The following SNX7 variants were observed in gnomAD, a reference collection of about 807,000 sequenced individuals.
SNX7 encodes sorting nexin 7.
SNX7 carries 35 observed loss-of-function variants against 48.4 expected under a neutral mutation model. The ratio of observed to expected loss-of-function variants is 0.72; its 90% CI spans 0.55 to 0.96. SNX7 has a LOEUF of 0.96. SNX7 is among the 40% of genes least tolerant of loss of function. The pLI, the probability that SNX7 is intolerant of heterozygous loss-of-function variation, is 0.00. For synonymous variants in SNX7, 190 were observed against 190.2 expected (o/e 1.00, Z 0.01); for missense variants, 553 against 548.9 (o/e 1.01, Z -0.07).
intron 7 of SNX7, among the ~76,000 whole-genome samples, chr1:98,720,098 T>G (rs1652787489): frequency 6.6e-6 from 1 of 151,934 alleles, no homozygotes; most frequent in Non-Finnish European, 1.5e-5. Flanking sequence ...GGTCTGTTAA[T>G]GCTCCAAGAC....
chr1:98,719,105 A>T (rs955940238), intron 7 of SNX7, among the ~76,000 whole-genome samples: 2 of 152,132 alleles, frequency 1.3e-5, no homozygotes, highest in Non-Finnish European at 2.9e-5. Context: ...TAGATGAGTG[A>T]TCTTGAGCAA....
rs533652755 is a variant in SNX7, at chr1:98,758,295, A to G, written c.1279-1759A>G. Among the ~76,000 whole-genome samples, 8 of 152,118 alleles carry G rather than the reference A, an allele frequency of 5.3e-5. No homozygotes were observed. In the South Asian group the frequency reaches 1.7e-3, roughly 32 times the overall value. ...TATAGACATTTGGATACACTTAAAG[A>G]TATCTAAATTCTTCTCCTGTACCGT... On this transcript the variant is annotated intron_variant, in intron 8 of 8. Coordinates refer to ENST00000306121, the MANE Select transcript of SNX7 (RefSeq NM_015976.5).
chr1:98,728,081 A>G (rs929084551), intron 7 of SNX7, among the ~76,000 whole-genome samples: 2 of 152,156 alleles, frequency 1.3e-5, no homozygotes, highest in African/African-American at 4.8e-5. Context: ...AAGACACATA[A>G]TCTTCAGATT....
At chr1:98,709,832 T>A (rs1220334364) in intron 7 of SNX7, among the ~76,000 whole-genome samples, 5 of 152,192 alleles carry the variant, frequency 3.3e-5, no homozygotes, top group Admixed American at 3.3e-4. Flanking sequence ...TGGCTTTACC[T>A]TGTTTTTTTC....
At chr1:98,736,074 ACT>A (rs1194288261) in intron 7 of SNX7, among the ~76,000 whole-genome samples, 2 of 151,332 alleles carry the variant, frequency 1.3e-5, no homozygotes, top group African/African-American at 4.9e-5. Context: ...ACATGAAAAA[ACT>A]CTCTGCAGTA....
intron 7 of SNX7, among the ~76,000 whole-genome samples, chr1:98,731,373 A>G (rs1252963871): frequency 6.6e-6 from 1 of 152,090 alleles, no homozygotes. Flanking sequence ...AATGAACTTC[A>G]TAGTTTTAGT....
chr1:98,691,005 T>G, intron 2 of SNX7, 70 bp from the exon 3 acceptor site: 1 of 949,886 alleles, frequency 1.1e-6, no homozygotes, highest in South Asian at 2.2e-5. Flanking sequence ...TCACAATGTC[T>G]AAAATAACGT....
intron 7 of SNX7, among the ~76,000 whole-genome samples, chr1:98,730,832 T>TA: frequency 6.6e-6 from 1 of 152,186 alleles, no homozygotes; most frequent in East Asian, 1.9e-4. Context: ...CTACCCAAAG[T>TA]AATTTATGGA....
intron 1 of SNX7, among the ~76,000 whole-genome samples, chr1:98,682,377 A>G (rs970071046): frequency 6.6e-6 from 1 of 152,028 alleles, no homozygotes; most frequent in African/African-American, 2.4e-5. Context: ...CTTCTGTTGT[A>G]TCTCTTGTTT....
chr1:98,701,669 A>G (rs1163299618), intron 6 of SNX7, 148 bp from the exon 7 acceptor site: 2 of 507,568 alleles, frequency 3.9e-6, no homozygotes, highest in Middle Eastern at 5.4e-4. Flanking sequence ...CAAAAAAAAA[A>G]AAACAACTTT....
At chr1:98,695,860 A>T (rs558395683) in intron 5 of SNX7, 144 bp downstream of exon 5, 13 of 656,794 alleles carry the variant, frequency 2.0e-5, no homozygotes, top group Non-Finnish European at 3.2e-5. Context: ...GACATTTCTG[A>T]TTCCTAAATG....
chr1:98,669,460 A>C (rs1473659248), intron 1 of SNX7, among the ~76,000 whole-genome samples: 1 of 152,186 alleles, frequency 6.6e-6, no homozygotes, highest in South Asian at 2.1e-4. Flanking sequence ...ACCATTTGCC[A>C]TTCACAGCTG....
intron 1 of SNX7, chr1:98,677,178 A>T (rs1288736704): frequency 2.0e-5 from 3 of 152,356 alleles, no homozygotes; most frequent in Admixed American, 2.0e-4. Flanking sequence ...TTATCTTTGC[A>T]TGTGAAAGAA....
intron 7 of SNX7, among the ~76,000 whole-genome samples, chr1:98,716,881 A>C (rs1041301162): frequency 3.3e-5 from 5 of 151,994 alleles, no homozygotes; most frequent in African/African-American, 9.7e-5. Context: ...ATAAATTATA[A>C]ATTGCAACTT....
chr1:98,699,694 T>G (rs1651653635), intron 6 of SNX7, among the ~76,000 whole-genome samples: 1 of 152,130 alleles, frequency 6.6e-6, no homozygotes, highest in African/African-American at 2.4e-5. Flanking sequence ...TTCTTTCAAT[T>G]TTTTTCTTTT....
At chr1:98,689,774 A>G (rs971521106) in intron 2 of SNX7, among the ~76,000 whole-genome samples, 4 of 152,202 alleles carry the variant, frequency 2.6e-5, no homozygotes, top group Non-Finnish European at 4.4e-5. Context: ...ATCTATTTGC[A>G]TATGGACATA....
At position 98,701,821 on chromosome 1, in the gene SNX7, T is replaced by G. The variant is rs1651764512; in HGVS notation, c.1043T>G (p.Val348Gly). Residue 348 changes from valine to glycine, a missense_variant, in exon 7 of 9, where the codon GTT becomes GGT. By Grantham distance (109) the Val-to-Gly change is moderately radical (BLOSUM62 -3). Coordinates refer to ENST00000306121, the MANE Select transcript of SNX7 (RefSeq NM_015976.5). Reference protein sequence around the residue: ...YVLYSEMLMGVMKRRDQIQAE... With the variant: ...YVLYSEMLMGGMKRRDQIQAE... ...TCTGTGTGTTTTAATGTAAAGGGTG[T>G]TATGAAAAGAAGAGACCAAATACAA... 1.2e-6 allele frequency: 2 copies of G among 1,607,336 alleles called. No homozygotes were observed. The highest frequency in any genetic ancestry group is 2.2e-5 in the East Asian group (1 of 44,540).
At chr1:98,732,712 G>A (rs985002419) in intron 7 of SNX7, among the ~76,000 whole-genome samples, 2 of 152,018 alleles carry the variant, frequency 1.3e-5, no homozygotes, top group Non-Finnish European at 2.9e-5. Flanking sequence ...TATCAAAGAG[G>A]TCAGGGTCAA....
chr1:98,696,032 GAT>G (rs1256662515), intron 5 of SNX7, among the ~76,000 whole-genome samples: 1 of 152,128 alleles, frequency 6.6e-6, no homozygotes, highest in African/African-American at 2.4e-5. Context: ...TCAAAGAAGT[GAT>G]GTTTCAGGAA....
Sources: gnomAD v4.1 joint callset for allele counts (sites outside exome capture counted in the v4.1 genomes callset) on GRCh38, gnomAD v4.1.1 for gene constraint, MANE v1.5 for transcripts, NCBI Gene and HGNC (gene_info 2026-07-23, HGNC 2026-07-21) for gene names.